Variants in DCLK1 observed in about 807,000 individuals in gnomAD.
DCLK1 encodes serine/threonine-protein kinase DCLK1.
In DCLK1, 16 loss-of-function variants were observed where a neutral mutation model predicts 86.2. That is an observed-to-expected ratio of 0.19 (90% CI 0.13 to 0.28). DCLK1 has a LOEUF of 0.28. DCLK1 is among the 10% of genes least tolerant of loss of function. The pLI, the probability that DCLK1 is intolerant of heterozygous loss-of-function variation, is 1.00. For missense variants in DCLK1, 590 were observed against 940.2 expected (o/e 0.63, Z 4.87); for synonymous variants, 369 against 370.5 (o/e 1.00, Z 0.05).
At chr13:35,937,075 T>C (rs918746397) in intron 4 of DCLK1, among the ~76,000 whole-genome samples, 2 of 145,902 alleles carry the variant, frequency 1.4e-5, no homozygotes, top group Non-Finnish European at 3.0e-5. Context: ...GTTCACGCCA[T>C]TCTCCTGCCT....
intron 4 of DCLK1, among the ~76,000 whole-genome samples, chr13:35,916,409 T>C (rs1232052816): frequency 1.3e-5 from 2 of 152,164 alleles, no homozygotes; most frequent in African/African-American, 2.4e-5. Context: ...CTCTTCCCCC[T>C]CTGCCTCTCC....
intron 3 of DCLK1, among the ~76,000 whole-genome samples, chr13:35,957,977 G>GCTATAACCACCACTACCACCACCACCA (rs1878106878): frequency 7.5e-6 from 1 of 133,982 alleles, no homozygotes; most frequent in Admixed American, 7.4e-5. Context: ...CACCATCACT[G>GCTATAACCACCACTACCACCACCACCA]CTATAACCAC....
chr13:35,908,431 A>G (rs1380381831), intron 4 of DCLK1, among the ~76,000 whole-genome samples: 1 of 152,236 alleles, frequency 6.6e-6, no homozygotes, highest in Non-Finnish European at 1.5e-5. Context: ...ATTCTTAACT[A>G]GTTGATGATA....
At chr13:35,853,496 A>C (rs949512986) in intron 6 of DCLK1, among the ~76,000 whole-genome samples, 2 of 152,140 alleles carry the variant, frequency 1.3e-5, no homozygotes, top group African/African-American at 2.4e-5. Flanking sequence ...CCCGCCCCGC[A>C]CTCTTAGACG....
At chr13:35,847,658 A>AGAAAGAAAC in intron 6 of DCLK1, 1 of 937,876 alleles carries the variant, frequency 1.1e-6, no homozygotes, top group Non-Finnish European at 1.3e-6. Flanking sequence ...AAAGAAAGAA[A>AGAAAGAAAC]AAGAGCCCAA....
chr13:35,864,652 C>T (rs1255534690), intron 5 of DCLK1, among the ~76,000 whole-genome samples: 8 of 129,088 alleles, frequency 6.2e-5, no homozygotes, highest in African/African-American at 2.7e-4. Flanking sequence ...TTTTTCTTCT[C>T]TCTTTTTTTT....
At chr13:35,849,500 A>G (rs975207098) in intron 6 of DCLK1, 2 of 983,866 alleles carry the variant, frequency 2.0e-6, no homozygotes, top group Non-Finnish European at 2.4e-6. Context: ...GTAAAAGTAA[A>G]TGACCACTAG....
intron 3 of DCLK1, among the ~76,000 whole-genome samples, chr13:36,109,642 C>G (rs1885538553): frequency 6.6e-6 from 1 of 152,220 alleles, no homozygotes; most frequent in South Asian, 2.1e-4. Context: ...AGTTGACCCA[C>G]AGCACTCTAT....
At chr13:36,127,859 G>A (rs1412940575) in intron 1 of DCLK1, among the ~76,000 whole-genome samples, 1 of 152,222 alleles carries the variant, frequency 6.6e-6, no homozygotes, top group Non-Finnish European at 1.5e-5. Context: ...AGGGGAATCT[G>A]TGGTTTAACA....
intron 4 of DCLK1, among the ~76,000 whole-genome samples, chr13:35,944,395 C>G (rs1877251886): frequency 1.3e-5 from 2 of 152,148 alleles, no homozygotes; most frequent in South Asian, 4.1e-4. Context: ...TTTAAGGAAG[C>G]TACTATGGAA....
At chr13:35,936,052 C>A (rs1477578079) in intron 4 of DCLK1, among the ~76,000 whole-genome samples, 1 of 151,950 alleles carries the variant, frequency 6.6e-6, no homozygotes, top group East Asian at 1.9e-4. Flanking sequence ...GGATATATGA[C>A]AGAAAAGCAA....
At position 35,771,527 on chromosome 13, in the gene DCLK1, GA is replaced by G. The variant is rs961640048; in HGVS notation, c.*3007del. 3 of 152,050 alleles carry G rather than the reference GA, an allele frequency of 2.0e-5. No homozygotes were observed. Among genetic ancestry groups the G allele is most frequent in the Admixed American group, 6.6e-5 (1 of 15,264 alleles). 9.4% of individuals were successfully genotyped at this position (152,050 alleles called of 1,614,324 possible). On this transcript the variant is annotated 3_prime_UTR_variant, in exon 17 of 17. Coordinates refer to ENST00000360631, the MANE Select transcript of DCLK1 (RefSeq NM_001330071.2). ...AAAATGATTTCTGCTACAATGTTGA[GA>G]AAAAATGTGTTCATTAATATGAACA... is the stretch of plus-strand genomic sequence containing the variant.
rs1446956091 is a variant in DCLK1 at position 35,958,019 on chromosome 13, AC to A, written c.724-10563del. On this transcript the variant is annotated intron_variant, in intron 3 of 16. Coordinates refer to ENST00000360631, the MANE Select transcript of DCLK1 (RefSeq NM_001330071.2). Reference sequence around the variant, plus strand: ...CACCACCATTATCACCATCACCATCACACACCACAACTACCACCACCACCAC... The same window carrying A: ...CACCACCATTATCACCATCACCATCAACACCACAACTACCACCACCACCAC... Among the ~76,000 whole-genome samples, 4 of 141,720 alleles carry A rather than the reference AC, an allele frequency of 2.8e-5. No homozygotes were observed. In the South Asian group the frequency reaches 9.3e-4, roughly 33 times the overall value. 93.0% of individuals were successfully genotyped at this position (141,720 alleles called of 152,430 possible). A position where few individuals can be genotyped will look rare whatever the true frequency, so the allele number is the denominator to read the frequency against.
chr13:35,953,410 T>A (rs1394225944), intron 3 of DCLK1, among the ~76,000 whole-genome samples: 1 of 152,148 alleles, frequency 6.6e-6, no homozygotes, highest in African/African-American at 2.4e-5. Context: ...ATATTGTATA[T>A]TAATAGTATA....
At chr13:35,982,626 C>T (rs981859231) in intron 3 of DCLK1, among the ~76,000 whole-genome samples, 7 of 152,074 alleles carry the variant, frequency 4.6e-5, no homozygotes, top group Admixed American at 2.6e-4. Context: ...ATAACACAAG[C>T]GATGCTTCAT....
At chr13:36,097,196 C>G (rs375183873) in intron 3 of DCLK1, among the ~76,000 whole-genome samples, 1 of 152,174 alleles carries the variant, frequency 6.6e-6, no homozygotes, top group Non-Finnish European at 1.5e-5. Context: ...GACTAATAAG[C>G]AGATCAGTGG....
chr13:36,092,905 A>C (rs777816349), intron 3 of DCLK1, among the ~76,000 whole-genome samples: 1 of 152,192 alleles, frequency 6.6e-6, no homozygotes, highest in Non-Finnish European at 1.5e-5. Flanking sequence ...GTTAGGCAAG[A>C]GCCCAGGCTG....
chr13:36,124,586 G>A (rs73165334), intron 2 of DCLK1, among the ~76,000 whole-genome samples: 24,992 of 152,174 alleles, frequency 0.16, 2,315 homozygotes, highest in Middle Eastern at 0.21. Flanking sequence ...GTCAGTGTGC[G>A]GTCAGGGGAG....
At position 35,865,150 on chromosome 13, in the gene DCLK1, A is replaced by G. The variant is rs114989979; in HGVS notation, c.940+6074T>C. 3.7e-3 allele frequency among the ~76,000 whole-genome samples: 571 copies of G among 152,288 alleles called. 2 individuals are homozygous for G. The highest frequency in any genetic ancestry group is 0.013 in the African/African-American group (532 of 41,556). On this transcript the variant is annotated intron_variant, in intron 5 of 16. Coordinates refer to ENST00000360631, the MANE Select transcript of DCLK1 (RefSeq NM_001330071.2). Reference sequence around the variant, plus strand: ...TTATTCCTATTTTTAGAGTTATTTTATTATAATTTCCCTGTGTAGATAAAA... The same window carrying G: ...TTATTCCTATTTTTAGAGTTATTTTGTTATAATTTCCCTGTGTAGATAAAA...
Sources: allele counts gnomAD v4.1 joint callset (sites outside exome capture counted in the v4.1 genomes callset), GRCh38; gene constraint gnomAD v4.1.1; transcripts MANE v1.5; gene names NCBI Gene and HGNC (gene_info 2026-07-23, HGNC 2026-07-21).